The following ARHGAP15 variants were observed in gnomAD, a reference collection of about 807,000 sequenced individuals.
ARHGAP15 encodes the protein rho GTPase-activating protein 15.
ARHGAP15 carries 51 observed loss-of-function variants against 63.7 expected under a neutral mutation model. The observed-to-expected ratio is 0.80, with a 90% CI of 0.64 to 1.01. ARHGAP15 has a LOEUF of 1.01. Ranked by LOEUF, ARHGAP15 falls within the 50% of genes least tolerant of loss-of-function variation. ARHGAP15 has a pLI of 0.00. For missense variants in ARHGAP15, 560 were observed against 564.6 expected (o/e 0.99, Z 0.08); for synonymous variants, 191 against 193.8 (o/e 0.99, Z 0.12).
At chr2:143,570,312 C>T (rs1559056503) in intron 11 of ARHGAP15, among the ~76,000 whole-genome samples, 2 of 152,348 alleles carry the variant, frequency 1.3e-5, no homozygotes, top group Non-Finnish European at 2.9e-5. Context: ...AATCACTCCT[C>T]ATTTTAAATC....
chr2:143,762,873 A>G (rs893296471), intron 13 of ARHGAP15, among the ~76,000 whole-genome samples: 3 of 152,184 alleles, frequency 2.0e-5, no homozygotes, highest in African/African-American at 7.2e-5. Context: ...TTATTGAAAG[A>G]TATTGCCAAA....
At chr2:143,345,647 T>A (rs1685237353) in intron 6 of ARHGAP15, among the ~76,000 whole-genome samples, 1 of 152,162 alleles carries the variant, frequency 6.6e-6, no homozygotes, top group East Asian at 1.9e-4. Flanking sequence ...TTCTTTCATT[T>A]TTTTGCAGGC....
intron 6 of ARHGAP15, among the ~76,000 whole-genome samples, chr2:143,251,511 G>C (rs1053564708): frequency 1.3e-5 from 2 of 151,942 alleles, no homozygotes; most frequent in Non-Finnish European, 2.9e-5. Flanking sequence ...TCTCACTGAG[G>C]GGAAGAAGCT....
intron 2 of ARHGAP15, among the ~76,000 whole-genome samples, chr2:143,194,694 C>T (rs1022570610): frequency 1.4e-4 from 13 of 96,120 alleles, no homozygotes; most frequent in Non-Finnish European, 2.6e-4. Context: ...AATGACCCCT[C>T]TCTGTCTGAG....
intron 12 of ARHGAP15, among the ~76,000 whole-genome samples, chr2:143,674,485 G>A (rs183618633): frequency 6.2e-4 from 95 of 152,270 alleles, no homozygotes; most frequent in African/African-American, 2.2e-3. Context: ...AGATTGACTG[G>A]AAAGATGTAT....
intron 11 of ARHGAP15, among the ~76,000 whole-genome samples, chr2:143,613,380 A>T (rs1348579837): frequency 1.3e-5 from 2 of 152,214 alleles, no homozygotes; most frequent in Non-Finnish European, 2.9e-5. Flanking sequence ...ATGGTTGATG[A>T]TAGATATGAC....
At chr2:143,609,430 G>C (rs949705619) in intron 11 of ARHGAP15, among the ~76,000 whole-genome samples, 3 of 152,154 alleles carry the variant, frequency 2.0e-5, no homozygotes, top group Non-Finnish European at 4.4e-5. Context: ...TTAACATAGA[G>C]AGCAGCTGTG....
At chr2:143,708,538 C>G (rs1574869242) in intron 13 of ARHGAP15, among the ~76,000 whole-genome samples, 1 of 152,100 alleles carries the variant, frequency 6.6e-6, no homozygotes, top group South Asian at 2.1e-4. Flanking sequence ...CTACATCACA[C>G]CCCCATTCTC....
intron 6 of ARHGAP15, among the ~76,000 whole-genome samples, chr2:143,320,411 C>CCCCCCCCCCG (rs1683960468): frequency 9.8e-5 from 4 of 40,734 alleles, no homozygotes; most frequent in Non-Finnish European, 2.4e-4. Context: ...CTTCCCCACC[C>CCCCCCCCCCG]CCCCCCCCCC....
chr2:143,180,894 C>T (rs537613691), intron 2 of ARHGAP15, among the ~76,000 whole-genome samples: 12 of 152,054 alleles, frequency 7.9e-5, no homozygotes, highest in East Asian at 1.9e-4. Context: ...AGAATGGTCT[C>T]GATCTCCTGA....
intron 11 of ARHGAP15, among the ~76,000 whole-genome samples, chr2:143,558,468 A>G (rs910252651): frequency 1.3e-5 from 2 of 152,160 alleles, no homozygotes; most frequent in African/African-American, 4.8e-5. Flanking sequence ...CATCTATTAT[A>G]AGACCCATAG....
chr2:143,478,065 C>T (rs1208783942), intron 8 of ARHGAP15, among the ~76,000 whole-genome samples: 1 of 152,204 alleles, frequency 6.6e-6, no homozygotes, highest in Admixed American at 6.5e-5. Context: ...ACCCCCAATT[C>T]CCACCTACAT....
rs534799151 is a variant in ARHGAP15 at position 143,674,945 on chromosome 2, A to G, written c.1139-28474A>G. ...AAATAAGACAACAAATAGATTTGCCACATCATGGGCCCTTCCTTTCACAAA... is the reference window on the plus strand; with the variant it reads ...AAATAAGACAACAAATAGATTTGCCGCATCATGGGCCCTTCCTTTCACAAA... On this transcript the variant is annotated intron_variant, in intron 12 of 13. Coordinates refer to ENST00000295095, the MANE Select transcript of ARHGAP15 (RefSeq NM_018460.4). 5.9e-5 allele frequency among the ~76,000 whole-genome samples: 9 copies of G among 152,278 alleles called. 1 individual carries two copies. In the South Asian group the frequency reaches 1.9e-3, roughly 32 times the overall value.
At chr2:143,598,270 T>G (rs1029168170) in intron 11 of ARHGAP15, among the ~76,000 whole-genome samples, 1 of 152,124 alleles carries the variant, frequency 6.6e-6, no homozygotes, top group Non-Finnish European at 1.5e-5. Flanking sequence ...GTCTCATTTG[T>G]GTGGTGTAAA....
At chr2:143,624,010 C>A in intron 11 of ARHGAP15, 123 bp from the exon 12 acceptor site, 1 of 1,172,236 alleles carries the variant, frequency 8.5e-7, no homozygotes. Context: ...CAGCACCAAA[C>A]CTCTAGGTGC....
intron 6 of ARHGAP15, among the ~76,000 whole-genome samples, chr2:143,302,619 T>C (rs1298774595): frequency 6.6e-6 from 1 of 152,032 alleles, no homozygotes; most frequent in Non-Finnish European, 1.5e-5. Context: ...AGATCAAGCA[T>C]TCTCCAGTTT....
chr2:143,514,683 G>C (rs150296514), intron 9 of ARHGAP15, among the ~76,000 whole-genome samples: 89 of 152,314 alleles, frequency 5.8e-4, no homozygotes, highest in Non-Finnish European at 1.0e-3. Flanking sequence ...TCATGTGTCT[G>C]TGGTGCAGGC....
chr2:143,571,957 C>G (rs1302388654), intron 11 of ARHGAP15: 1 of 152,196 alleles, frequency 6.6e-6, no homozygotes, highest in Non-Finnish European at 1.5e-5. Context: ...CTCCTTGACA[C>G]AGATCTCATG....
At chr2:143,250,291 T>C (rs1558841517) in intron 5 of ARHGAP15, among the ~76,000 whole-genome samples, 1 of 152,084 alleles carries the variant, frequency 6.6e-6, no homozygotes, top group Non-Finnish European at 1.5e-5. Flanking sequence ...CTATGGTTTA[T>C]AGTTAATTAA....
Sources: allele counts gnomAD v4.1 joint callset (sites outside exome capture counted in the v4.1 genomes callset), GRCh38; gene constraint gnomAD v4.1.1; transcripts MANE v1.5; gene names NCBI Gene and HGNC (gene_info 2026-07-23, HGNC 2026-07-21).